GRIN2A: variants seen among roughly 807,000 people sequenced by gnomAD.
GRIN2A encodes glutamate receptor ionotropic, NMDA 2A.
In GRIN2A, 22 loss-of-function variants were observed where a neutral mutation model predicts 113.4. That is an observed-to-expected ratio of 0.19 (90% CI 0.14 to 0.28). The LOEUF is 0.28. Among genes scored for constraint, GRIN2A ranks in the 10% least tolerant of loss-of-function variants. GRIN2A has a pLI of 1.00. For synonymous variants in GRIN2A, 827 were observed against 738.4 expected, an observed-to-expected ratio of 1.12 and a Z score of -1.94; for missense variants, 1,502 against 1,887.0, an observed-to-expected ratio of 0.80 and a Z score of 3.78.
At chr16:9,777,498 T>C (rs1000410284) in intron 11 of GRIN2A, among the ~76,000 whole-genome samples, 1 of 152,226 alleles carries the variant, frequency 6.6e-6, no homozygotes, top group African/African-American at 2.4e-5. Context: ...TGTCAGAATA[T>C]TCCATTTCTG....
chr16:9,943,224 G>C (rs1291516224), intron 2 of GRIN2A: 2 of 152,192 alleles, frequency 1.3e-5, no homozygotes, highest in East Asian at 1.9e-4. Flanking sequence ...TGTGCAGCTG[G>C]GGGAGAGGAA....
Position 9,858,539 on chromosome 16 carries a change from A to T in GRIN2A, c.1123-8578T>A, listed in dbSNP as rs572078313. 6.6e-5 allele frequency among the ~76,000 whole-genome samples: 10 copies of T among 152,126 alleles called. No individual in the cohort carries two copies. The South Asian group carries it at 1.7e-3, about 25-fold the overall frequency. On this transcript the variant is annotated intron_variant, in intron 4 of 12. Transcript: ENST00000330684. ...AAATATACTGAAGTTGTGACGACAAAAATAATAATAATAATAATTGACCGC... is the reference window on the plus strand; with the variant it reads ...AAATATACTGAAGTTGTGACGACAATAATAATAATAATAATAATTGACCGC...
intron 4 of GRIN2A, among the ~76,000 whole-genome samples, chr16:9,890,578 G>A (rs2043673813): frequency 6.6e-6 from 1 of 152,188 alleles, no homozygotes; most frequent in Non-Finnish European, 1.5e-5. Flanking sequence ...AAAAGACTGA[G>A]TACATGAAAA....
chr16:10,046,515 A>G (rs191495136), intron 2 of GRIN2A, among the ~76,000 whole-genome samples: 7 of 152,216 alleles, frequency 4.6e-5, no homozygotes, highest in African/African-American at 1.7e-4. Context: ...CATCTTTTCC[A>G]TAACAAACCT....
At chr16:9,973,887 G>T (rs1211330111) in intron 2 of GRIN2A, among the ~76,000 whole-genome samples, 1 of 152,124 alleles carries the variant, frequency 6.6e-6, no homozygotes, top group Non-Finnish European at 1.5e-5. Context: ...TTCATTTCCA[G>T]CAGACCAGCC....
At chr16:10,036,094 T>G (rs887569924) in intron 2 of GRIN2A, among the ~76,000 whole-genome samples, 1 of 152,190 alleles carries the variant, frequency 6.6e-6, no homozygotes, top group African/African-American at 2.4e-5. Flanking sequence ...GATGAATGAT[T>G]CAGATTCCCC....
chr16:10,130,563 A>G (rs2049040422), intron 2 of GRIN2A, among the ~76,000 whole-genome samples: 1 of 152,186 alleles, frequency 6.6e-6, no homozygotes. Context: ...CCACTGTCAA[A>G]AGGAACAGGA....
chr16:9,862,630 T>C (rs1596511106), intron 4 of GRIN2A, among the ~76,000 whole-genome samples: 2 of 152,312 alleles, frequency 1.3e-5, no homozygotes, highest in South Asian at 2.1e-4. Context: ...GCCAGATCCC[T>C]GGGGAAAGAT....
intron 2 of GRIN2A, among the ~76,000 whole-genome samples, chr16:10,121,037 G>C (rs62035766): frequency 0.016 from 2,400 of 152,182 alleles, 36 homozygotes; most frequent in Middle Eastern, 0.027. Context: ...TTCAAACCCA[G>C]CCACAGACGT....
intron 2 of GRIN2A, among the ~76,000 whole-genome samples, chr16:10,069,515 G>T (rs1296699559): frequency 6.6e-6 from 1 of 152,224 alleles, no homozygotes; most frequent in Non-Finnish European, 1.5e-5. Context: ...GTCCCCCACA[G>T]CCAGTGGATC....
Position 10,144,920 on chromosome 16 carries a change from CA to C in GRIN2A, c.414+35077del, listed in dbSNP as rs58751267. Among the ~76,000 whole-genome samples the C allele has an allele frequency of 3.8e-3, 224 of 59,402 alleles. 1 individual carries two copies. Among genetic ancestry groups the C allele is most frequent in the African/African-American group, 0.014 (219 of 15,882 alleles). 39.0% of individuals were successfully genotyped at this position (59,402 alleles called of 152,430 possible). A position where few individuals can be genotyped will look rare whatever the true frequency, so the allele number is the denominator to read the frequency against. On this transcript the variant is annotated intron_variant, in intron 2 of 12. Transcript: ENST00000330684. ...TGGGCGACAGAGCAAGACCCTGTCT[CA>C]AAAAAAAAAAAAAAAAAAAGAGAGA... is the stretch of plus-strand genomic sequence containing the variant.
chr16:9,767,017 A>C (rs545728665), intron 12 of GRIN2A, among the ~76,000 whole-genome samples: 157 of 152,380 alleles, frequency 1.0e-3, no homozygotes, highest in Non-Finnish European at 2.0e-3. Flanking sequence ...TTCCAAAAAC[A>C]AGCAAGATTT....
intron 2 of GRIN2A, among the ~76,000 whole-genome samples, chr16:10,006,045 T>C (rs1751333098): frequency 6.6e-6 from 1 of 152,232 alleles, no homozygotes; most frequent in African/African-American, 2.4e-5. Context: ...TGTAAGGATG[T>C]AGGCTGTTGT....
chr16:10,117,012 G>C (rs2048740395), intron 2 of GRIN2A, among the ~76,000 whole-genome samples: 1 of 151,312 alleles, frequency 6.6e-6, no homozygotes, highest in South Asian at 2.1e-4. Context: ...GAGGATATGA[G>C]TGGGGCATCA....
At chr16:10,004,676 T>C (rs1322349115) in intron 2 of GRIN2A, among the ~76,000 whole-genome samples, 1 of 152,202 alleles carries the variant, frequency 6.6e-6, no homozygotes, top group Non-Finnish European at 1.5e-5. Flanking sequence ...GCACAGCATT[T>C]TCCTTTGGTC....
At chr16:9,832,695 G>T (rs934088499) in intron 8 of GRIN2A, among the ~76,000 whole-genome samples, 4 of 152,174 alleles carry the variant, frequency 2.6e-5, no homozygotes, top group Non-Finnish European at 5.9e-5. Context: ...AGGAACTACT[G>T]TATCACAGTG....
chr16:9,808,041 T>G (rs949395956), intron 10 of GRIN2A, among the ~76,000 whole-genome samples: 2 of 152,202 alleles, frequency 1.3e-5, no homozygotes, highest in African/African-American at 4.8e-5. Context: ...TTATAGAGCT[T>G]CTTAGATTGT....
intron 8 of GRIN2A, among the ~76,000 whole-genome samples, chr16:9,833,510 G>T (rs377657075): frequency 1.6e-4 from 24 of 152,268 alleles, no homozygotes; most frequent in African/African-American, 5.3e-4. Context: ...TAAATTAATT[G>T]TCAGAAAAGT....
intron 4 of GRIN2A, among the ~76,000 whole-genome samples, chr16:9,850,339 T>G (rs1306755873): frequency 1.3e-5 from 2 of 152,218 alleles, no homozygotes; most frequent in African/African-American, 2.4e-5. Context: ...CTGTACCACT[T>G]ACTAGCTGTA....
Sources: gnomAD v4.1 joint callset for allele counts (sites outside exome capture counted in the v4.1 genomes callset) on GRCh38, gnomAD v4.1.1 for gene constraint, MANE v1.5 for transcripts, NCBI Gene and HGNC (gene_info 2026-07-23, HGNC 2026-07-21) for gene names.